TRAPPC12: variants seen among roughly 807,000 people sequenced by gnomAD.
TRAPPC12 encodes trafficking protein particle complex subunit 12, also known as TPR repeat protein 15.
Under a neutral mutation model 69.2 loss-of-function variants are expected in TRAPPC12, and 61 were observed. The observed-to-expected ratio is 0.88, with a 90% CI of 0.72 to 1.09. The LOEUF (loss-of-function observed/expected upper bound fraction) is 1.09. Ranked by LOEUF, TRAPPC12 falls within the 50% of genes least tolerant of loss-of-function variation. TRAPPC12 has a pLI of 0.00. For missense variants in TRAPPC12, 1,101 were observed against 1,016.4 expected (o/e 1.08, Z -1.13); for synonymous variants, 469 against 438.9 (o/e 1.07, Z -0.86).
At chr2:3,418,621 G>A (rs530978547) in intron 3 of TRAPPC12, among the ~76,000 whole-genome samples, 9 of 152,294 alleles carry the variant, frequency 5.9e-5, no homozygotes, top group Non-Finnish European at 1.2e-4. Context: ...CCTTATCACC[G>A]TGCAGGTGCA....
Position 3,479,194 on chromosome 2 carries a change from A to T in TRAPPC12, c.1966-25A>T, listed in dbSNP as rs572723210. The T allele has an allele frequency of 1.6e-5, 25 of 1,605,970 alleles. No homozygotes were observed. In the South Asian group the frequency reaches 2.6e-4, roughly 16 times the overall value. ...GCGTCTGTCCTGGTTGTGTGGGCCAACCCTGGGCGTGTGCTCCTCCCTAGG... is the reference window on the plus strand; with the variant it reads ...GCGTCTGTCCTGGTTGTGTGGGCCATCCCTGGGCGTGTGCTCCTCCCTAGG... On this transcript the variant is annotated intron_variant, in intron 11 of 11. Transcript: ENST00000324266.
chr2:3,412,226 G>A (rs1444122434), intron 3 of TRAPPC12, among the ~76,000 whole-genome samples: 1 of 151,308 alleles, frequency 6.6e-6, no homozygotes, highest in Admixed American at 6.6e-5. Context: ...TAGGAATTAA[G>A]AATAGGAAGG....
Position 3,473,604 on chromosome 2 carries a change from C to T in TRAPPC12, c.1777-4091C>T, listed in dbSNP as rs576886484. Reference sequence around the variant, plus strand: ...AAGCAATCCTCCCGCCTCAGCCTCCCGAGTAGCTGGGAACAGGAATGCACC... The same window carrying T: ...AAGCAATCCTCCCGCCTCAGCCTCCTGAGTAGCTGGGAACAGGAATGCACC... On this transcript the variant is annotated intron_variant, in intron 9 of 11. Coordinates refer to ENST00000324266, the MANE Select transcript of TRAPPC12 (RefSeq NM_016030.6). 7.2e-5 allele frequency among the ~76,000 whole-genome samples: 11 copies of T among 152,236 alleles called. No homozygotes were observed. The South Asian group carries it at 2.3e-3, about 32-fold the overall frequency.
At chr2:3,431,238 G>A (rs1170565334) in intron 5 of TRAPPC12, among the ~76,000 whole-genome samples, 3 of 152,162 alleles carry the variant, frequency 2.0e-5, no homozygotes, top group African/African-American at 7.2e-5. Flanking sequence ...GAGTGCTCCC[G>A]GGATCTCATC....
intron 6 of TRAPPC12, among the ~76,000 whole-genome samples, chr2:3,453,376 C>A (rs1027403230): frequency 3.9e-5 from 6 of 152,186 alleles, no homozygotes; most frequent in African/African-American, 1.4e-4. Context: ...CAACACCCGG[C>A]CCTTTCTGCC....
At chr2:3,427,920 T>C (rs971156442) in intron 5 of TRAPPC12, among the ~76,000 whole-genome samples, 1 of 152,020 alleles carries the variant, frequency 6.6e-6, no homozygotes, top group African/African-American at 2.4e-5. Context: ...CCAGCTCCCA[T>C]TGGTCTCTAA....
chr2:3,393,090 A>G (rs954452586), intron 2 of TRAPPC12, among the ~76,000 whole-genome samples: 2 of 151,964 alleles, frequency 1.3e-5, no homozygotes, highest in Non-Finnish European at 2.9e-5. Flanking sequence ...AGCATGGATA[A>G]CAGAGTAAGA....
intron 3 of TRAPPC12, among the ~76,000 whole-genome samples, chr2:3,419,609 A>G (rs1441495754): frequency 6.6e-6 from 1 of 150,496 alleles, no homozygotes; most frequent in Non-Finnish European, 1.5e-5. Flanking sequence ...ACAGACTCCA[A>G]CTGCACTGTG....
chr2:3,433,484 G>A (rs1050609599), intron 5 of TRAPPC12, among the ~76,000 whole-genome samples: 1 of 144,400 alleles, frequency 6.9e-6, no homozygotes, highest in Non-Finnish European at 1.5e-5. Flanking sequence ...GGGCCCTCCC[G>A]CCCTAGTTTG....
At chr2:3,451,580 G>A (rs1009760885) in intron 6 of TRAPPC12, among the ~76,000 whole-genome samples, 3 of 152,018 alleles carry the variant, frequency 2.0e-5, no homozygotes, top group African/African-American at 7.3e-5. Context: ...CTGGAGTACA[G>A]TGGCATGAAC....
chr2:3,416,038 T>C (rs1662372836), intron 3 of TRAPPC12, among the ~76,000 whole-genome samples: 1 of 152,178 alleles, frequency 6.6e-6, no homozygotes, highest in Non-Finnish European at 1.5e-5. Flanking sequence ...TCTCAAGATA[T>C]TTCTAACTTA....
intron 6 of TRAPPC12, among the ~76,000 whole-genome samples, chr2:3,444,698 CTG>C (rs1223175163): frequency 6.6e-6 from 1 of 152,194 alleles, no homozygotes; most frequent in Non-Finnish European, 1.5e-5. Flanking sequence ...CACTTCCTAA[CTG>C]TTGTGGTAGA....
At chr2:3,407,646 C>T (rs1049840667) in intron 3 of TRAPPC12, among the ~76,000 whole-genome samples, 3 of 151,746 alleles carry the variant, frequency 2.0e-5, no homozygotes, top group Non-Finnish European at 4.4e-5. Context: ...ACTAAAAATA[C>T]AAAAAATTAG....
intron 3 of TRAPPC12, among the ~76,000 whole-genome samples, chr2:3,416,318 C>T (rs1268884071): frequency 6.6e-6 from 1 of 152,156 alleles, no homozygotes; most frequent in African/African-American, 2.4e-5. Flanking sequence ...CAGGCATTCG[C>T]ACCGTGACTT....
chr2:3,446,366 A>G (rs555983161), intron 6 of TRAPPC12, among the ~76,000 whole-genome samples: 2 of 152,300 alleles, frequency 1.3e-5, no homozygotes, highest in South Asian at 4.1e-4. Context: ...GTTAATTTCA[A>G]TATGTAATTA....
chr2:3,450,349 A>C (rs569865238), intron 6 of TRAPPC12, among the ~76,000 whole-genome samples: 54 of 152,274 alleles, frequency 3.5e-4, no homozygotes, highest in African/African-American at 1.3e-3. Flanking sequence ...GAGTAGAAAG[A>C]AGAAAGTGTA....
intron 2 of TRAPPC12, 45 bp from the exon 3 acceptor site, chr2:3,401,732 T>C: frequency 7.3e-7 from 1 of 1,365,434 alleles, no homozygotes; most frequent in Non-Finnish European, 1.0e-6. Context: ...CTGAGTTTAG[T>C]TGACATTTTA....
At position 3,414,235 on chromosome 2, in the gene TRAPPC12, A is replaced by T. The variant is rs1015067721; in HGVS notation, c.1165-7646A>T. On this transcript the variant is annotated intron_variant, in intron 3 of 11. Transcript: ENST00000324266. The surrounding 1 kb of genome is among the most constrained non-coding windows in gnomAD (Gnocchi z 4.9). ...ATTTCCATCAGCAGTAGGACTGCAGATTCAGCTCATTCAGTTTGGGAAATG... is the reference window on the plus strand; with the variant it reads ...ATTTCCATCAGCAGTAGGACTGCAGTTTCAGCTCATTCAGTTTGGGAAATG... Among the ~76,000 whole-genome samples, 10 of 152,212 alleles carry T rather than the reference A, an allele frequency of 6.6e-5. No homozygotes were observed. The highest frequency in any genetic ancestry group is 1.2e-4 in the Non-Finnish European group (8 of 68,046).
At chr2:3,423,300 G>T (rs986545324) in intron 4 of TRAPPC12, among the ~76,000 whole-genome samples, 2 of 150,132 alleles carry the variant, frequency 1.3e-5, no homozygotes, top group African/African-American at 4.9e-5. Context: ...AAGCTAAATC[G>T]CATGCATTGC....
Sources: allele counts gnomAD v4.1 joint callset (sites outside exome capture counted in the v4.1 genomes callset), GRCh38; gene constraint gnomAD v4.1.1; non-coding constraint Gnocchi (gnomAD v3.1); transcripts MANE v1.5; gene names NCBI Gene and HGNC (gene_info 2026-07-23, HGNC 2026-07-21).